DHRS7C: variants seen among roughly 807,000 people sequenced by gnomAD.
The protein encoded by DHRS7C is dehydrogenase/reductase 7C.
In DHRS7C, 28 loss-of-function variants were observed where a neutral mutation model predicts 29.6. That is an observed-to-expected ratio of 0.95 (90% confidence interval 0.70 to 1.30). DHRS7C has a LOEUF of 1.30. Ranked by LOEUF, DHRS7C falls within the 50% of genes most tolerant of loss-of-function variation. The pLI is 0.00. For missense variants in DHRS7C, 403 were observed against 393.3 expected (o/e 1.02, Z -0.21); for synonymous variants, 158 against 160.2 (o/e 0.99, Z 0.10).
At chr17:9,778,113 C>T (rs547202432) in intron 3 of DHRS7C, among the ~76,000 whole-genome samples, 17 of 152,218 alleles carry the variant, frequency 1.1e-4, no homozygotes, top group East Asian at 1.9e-4. Context: ...CAAACTGAGC[C>T]GGGTGCAGTG....
Position 9,791,268 on chromosome 17 carries a change from A to G in DHRS7C, c.17T>C (p.Met6Thr). MGVMA[M>T]LMLPLLLLGI... ...CAGCAGCAGCAGGGGGAGCATCAGCATGGCCATGACTCCCATCTTGTTCTG... is the reference window on the plus strand; with the variant it reads ...CAGCAGCAGCAGGGGGAGCATCAGCGTGGCCATGACTCCCATCTTGTTCTG... Residue 6 changes from methionine to threonine, a missense_variant, in exon 1 of 6, where the codon ATG becomes ACG. Transcript: ENST00000571134. The G allele has an allele frequency of 1.2e-6, 2 of 1,613,726 alleles. No homozygotes were observed. Among genetic ancestry groups the G allele is most frequent in the Non-Finnish European group, 1.7e-6 (2 of 1,179,792 alleles).
In DHRS7C at chr17:9,772,829, G is replaced by A. The variant is rs767344758; in HGVS notation, c.665C>T (p.Thr222Ile). The A allele has an allele frequency of 9.3e-6, 15 of 1,613,912 alleles. No homozygotes were observed. The South Asian group carries it at 9.9e-5, about 11-fold the overall frequency. The change falls in exon 5 of 6, where the codon ACT (threonine) becomes ATT (isoleucine). Residue 222 changes from threonine (T) to isoleucine (I), a missense_variant. Transcript: ENST00000571134. ...YDVVISTVSPTFIRSYHVYPE... is the reference protein window; with the variant it reads ...YDVVISTVSPIFIRSYHVYPE... ...ATACACGTGGTACGACCGGATGAAA[G>A]TCGGGCTCACGGTGCTGATGACAAC...
intron 1 of DHRS7C, among the ~76,000 whole-genome samples, chr17:9,789,071 G>T (rs2066440186): frequency 6.6e-6 from 1 of 152,030 alleles, no homozygotes; most frequent in South Asian, 2.1e-4. Flanking sequence ...TGAATGAGAT[G>T]ATTAAAACAA....
intron 1 of DHRS7C, among the ~76,000 whole-genome samples, chr17:9,790,513 TG>T (rs1315057365): frequency 6.6e-6 from 1 of 152,192 alleles, no homozygotes; most frequent in Non-Finnish European, 1.5e-5. Flanking sequence ...CCAAGTGTGA[TG>T]CAATAGGGAT....
intron 5 of DHRS7C, among the ~76,000 whole-genome samples, chr17:9,771,931 T>C (rs1360936465): frequency 6.6e-6 from 1 of 152,196 alleles, no homozygotes; most frequent in African/African-American, 2.4e-5. Context: ...GCCCTGATAA[T>C]TTCGGAGGGC....
At chr17:9,778,844 G>A (rs1353799599) in intron 3 of DHRS7C, among the ~76,000 whole-genome samples, 1 of 152,184 alleles carries the variant, frequency 6.6e-6, no homozygotes, top group Admixed American at 6.5e-5. Flanking sequence ...CTAAATGGAG[G>A]CGTTCTCCAC....
chr17:9,784,590 G>C (rs2066412145), intron 1 of DHRS7C, among the ~76,000 whole-genome samples: 1 of 152,198 alleles, frequency 6.6e-6, no homozygotes. Context: ...CTATATGTCA[G>C]AAAAGGGTTA....
At chr17:9,779,647 C>T (rs905701975) in intron 3 of DHRS7C, among the ~76,000 whole-genome samples, 178 bp downstream of exon 3, 4 of 152,116 alleles carry the variant, frequency 2.6e-5, no homozygotes, top group African/African-American at 9.7e-5. Context: ...TCCTGAGTTC[C>T]TTTTCCTTCA....
rs532747440 is a variant in DHRS7C, at chr17:9,775,476, G to C, written c.571+1717C>G. Among the ~76,000 whole-genome samples, 1 of 152,186 alleles carries C rather than the reference G, an allele frequency of 6.6e-6. No homozygotes were observed. Among genetic ancestry groups the C allele is most frequent in the Admixed American group, 6.5e-5 (1 of 15,278 alleles). On this transcript the variant is annotated intron_variant, in intron 4 of 5. Coordinates refer to ENST00000571134, the MANE Select transcript of DHRS7C (RefSeq NM_001105571.3). The surrounding 1 kb of genome is among the most constrained non-coding windows in gnomAD (Gnocchi z 4.2). ...CCTGGGGCTTTGGACATTGAGCACG[G>C]CTCCTCCACAGTCTCTTTCCTCTTC...
chr17:9,776,494 C>A (rs2066363282), intron 4 of DHRS7C, among the ~76,000 whole-genome samples: 1 of 152,158 alleles, frequency 6.6e-6, no homozygotes, highest in Non-Finnish European at 1.5e-5. Context: ...TTCTTCCCTT[C>A]CACCCTTGTA....
chr17:9,771,631 C>A lies in DHRS7C; in HGVS notation c.793G>T (p.Val265Leu), dbSNP rs774255168. Residue 265 changes from valine to leucine, a missense_variant, in exon 6 of 6, where the codon GTG becomes TTG. Transcript: ENST00000571134. ...VEVAEEVMRT[V>L]RRKKQEVFMA... ...AACACCTCTTGCTTCTTCCTCCGCA[C>A]GGTGCGCATCACCTCCTCCGCCACC... is the stretch of plus-strand genomic sequence containing the variant. 1 of 1,595,146 alleles carries A rather than the reference C, an allele frequency of 6.3e-7. No individual in the cohort carries two copies. Among genetic ancestry groups the A allele is most frequent in the Admixed American group, 1.7e-5 (1 of 58,026 alleles).
chr17:9,787,186 T>TC (rs1303802346), intron 1 of DHRS7C, among the ~76,000 whole-genome samples: 1 of 152,154 alleles, frequency 6.6e-6, no homozygotes, highest in Non-Finnish European at 1.5e-5. Context: ...CCTCAGGTCA[T>TC]CCCCCTGCTT....
At chr17:9,780,758 C>A (rs1237769666) in intron 2 of DHRS7C, among the ~76,000 whole-genome samples, 2 of 152,176 alleles carry the variant, frequency 1.3e-5, no homozygotes, top group East Asian at 3.9e-4. Context: ...TGCACACTGG[C>A]ATATTAAAGG....
intron 1 of DHRS7C, among the ~76,000 whole-genome samples, chr17:9,786,340 T>TAAC (rs1010991028): frequency 7.1e-6 from 1 of 141,558 alleles, no homozygotes; most frequent in Non-Finnish European, 1.6e-5. Flanking sequence ...ATAATAATAA[T>TAAC]AATAATAATA....
intron 4 of DHRS7C, among the ~76,000 whole-genome samples, chr17:9,776,542 G>A (rs1002562045): frequency 2.6e-5 from 4 of 152,022 alleles, no homozygotes; most frequent in Admixed American, 1.3e-4. Context: ...TTTGCACATG[G>A]TAGTGTGGGC....
intron 1 of DHRS7C, among the ~76,000 whole-genome samples, chr17:9,786,896 C>T (rs183709690): frequency 6.6e-4 from 101 of 152,204 alleles, no homozygotes; most frequent in South Asian, 1.9e-3. Context: ...GAAAGGGACA[C>T]GTTGAGGGTG....
intron 1 of DHRS7C, among the ~76,000 whole-genome samples, chr17:9,782,534 T>C (rs2066398762): frequency 6.7e-6 from 1 of 149,980 alleles, no homozygotes; most frequent in Non-Finnish European, 1.5e-5. Flanking sequence ...CCAGTGTCAA[T>C]CAGTCACTGA....
rs147436901 is a variant in DHRS7C, at chr17:9,782,163, A to G, written c.155-569T>C. Among the ~76,000 whole-genome samples, 427 of 152,340 alleles carry G rather than the reference A, an allele frequency of 2.8e-3. 14 individuals carry two copies. The East Asian group carries it at 0.041, about 15-fold the overall frequency. On this transcript the variant is annotated intron_variant, in intron 1 of 5. Coordinates refer to ENST00000571134, the MANE Select transcript of DHRS7C (RefSeq NM_001105571.3). ...ACAGAATTCTTGTGTAGCAATACCG[A>G]TGATACTTAAAAGCAATAGAAGCTC...
At chr17:9,788,697 C>T (rs1030907231) in intron 1 of DHRS7C, among the ~76,000 whole-genome samples, 2 of 152,170 alleles carry the variant, frequency 1.3e-5, no homozygotes, top group Non-Finnish European at 2.9e-5. Flanking sequence ...GTGCAGGTTC[C>T]GTGGCACCAG....
Sources: allele counts gnomAD v4.1 joint callset (sites outside exome capture counted in the v4.1 genomes callset), GRCh38; gene constraint gnomAD v4.1.1; non-coding constraint Gnocchi (gnomAD v3.1); transcripts MANE v1.5; gene names NCBI Gene and HGNC (gene_info 2026-07-23, HGNC 2026-07-21).